The following SLC24A2 variants were observed in gnomAD, a reference collection of about 807,000 sequenced individuals.
The protein encoded by SLC24A2 is solute carrier family 24 member 2, also known as sodium/potassium/calcium exchanger 2.
In SLC24A2, 36 loss-of-function variants were observed where a neutral mutation model predicts 62.0. That is an observed-to-expected ratio of 0.58 (90% CI 0.44 to 0.77). The LOEUF (loss-of-function observed/expected upper bound fraction) is 0.77. SLC24A2 is among the 30% of genes least tolerant of loss of function. SLC24A2 has a pLI of 0.00. For missense variants in SLC24A2, 846 were observed against 817.9 expected (o/e 1.03, Z -0.42); for synonymous variants, 358 against 294.0 (o/e 1.22, Z -2.23).
chr9:20,273,566 T>C, the SLC24A2 span, among the ~76,000 whole-genome samples: 1 of 151,670 alleles, frequency 6.6e-6, no homozygotes, highest in Non-Finnish European at 1.5e-5. Flanking sequence ...AAAACGAGAG[T>C]TTCTCTTCAC....
rs909541662 is a variant in SLC24A2 at position 19,786,315 on chromosome 9, C to T, written c.552G>A (p.Gly184=). Residue 184 remains glycine (G), a synonymous_variant, in exon 2 of 11, where the codon GGG becomes GGA. Coordinates refer to ENST00000341998, the MANE Select transcript of SLC24A2 (RefSeq NM_020344.4). This position sits in a 1 kb window ranked among gnomAD's most constrained non-coding sequence, Gnocchi z 5.0. The part of the protein sequence containing the change: ...VAGATFMAAG[G]SAPELFTSLI... ...GAGATGTGAAAAGTTCTGGGGCTGACCCTCCTGCAGCCATGAAGGTGGCTC... is the reference window on the plus strand; with the variant it reads ...GAGATGTGAAAAGTTCTGGGGCTGATCCTCCTGCAGCCATGAAGGTGGCTC... 1 of 1,614,134 alleles carries T rather than the reference C, an allele frequency of 6.2e-7. No homozygotes were observed. The highest frequency in any genetic ancestry group is 8.5e-7 in the Non-Finnish European group (1 of 1,180,030).
chr9:19,622,249 A>C lies in SLC24A2; in HGVS notation c.969+12T>G, dbSNP rs1292294763. ...CACACAAACAGGTACAGACAAAGCC[A>C]CTGCTTCCTACCGGTAGAGTTGGTT... On this transcript the variant is annotated intron_variant, in intron 3 of 10. Coordinates refer to ENST00000341998, the MANE Select transcript of SLC24A2 (RefSeq NM_020344.4). The C allele has an allele frequency of 6.2e-7, 1 of 1,612,748 alleles. No individual in the cohort carries two copies. The highest frequency in any genetic ancestry group is 8.5e-7 in the Non-Finnish European group (1 of 1,178,918).
At chr9:19,736,217 T>C (rs553142625) in intron 2 of SLC24A2, among the ~76,000 whole-genome samples, 2 of 152,168 alleles carry the variant, frequency 1.3e-5, no homozygotes, top group East Asian at 3.9e-4. Flanking sequence ...CAAAATATAA[T>C]AATAATACTT....
At chr9:19,988,606 G>C in the SLC24A2 span, among the ~76,000 whole-genome samples, 1 of 152,190 alleles carries the variant, frequency 6.6e-6, no homozygotes, top group Non-Finnish European at 1.5e-5. Flanking sequence ...GGAGGATCTG[G>C]CTTGAATAGG....
the SLC24A2 span, among the ~76,000 whole-genome samples, chr9:19,851,012 TATATATATATACATA>T: frequency 1.2e-4 from 9 of 74,366 alleles, no homozygotes; most frequent in African/African-American, 2.9e-4. Context: ...CACATACATA[TATATATATATACATA>T]TTTTTTTTTT....
chr9:20,146,942 C>A, the SLC24A2 span, among the ~76,000 whole-genome samples: 1 of 152,100 alleles, frequency 6.6e-6, no homozygotes, highest in Non-Finnish European at 1.5e-5. Context: ...TCAGTACTGC[C>A]CTCAGCTGAC....
At chr9:19,730,662 TAC>T (rs1821308369) in intron 2 of SLC24A2, among the ~76,000 whole-genome samples, 1 of 152,312 alleles carries the variant, frequency 6.6e-6, no homozygotes, top group African/African-American at 2.4e-5. Context: ...TTGCTTAGAA[TAC>T]ACACATATGT....
intron 2 of SLC24A2, among the ~76,000 whole-genome samples, chr9:19,765,060 G>T (rs566548362): frequency 6.6e-6 from 1 of 151,492 alleles, no homozygotes; most frequent in African/African-American, 2.4e-5. Flanking sequence ...GACCTTCTTT[G>T]TCTTTTCTGA....
chr9:19,779,870 T>C (rs1822958978), intron 2 of SLC24A2, among the ~76,000 whole-genome samples: 1 of 150,836 alleles, frequency 6.6e-6, no homozygotes, highest in South Asian at 2.1e-4. Flanking sequence ...CCACCCTGGC[T>C]AACATGGTGA....
At chr9:20,032,955 TG>T in the SLC24A2 span, among the ~76,000 whole-genome samples, 1 of 152,338 alleles carries the variant, frequency 6.6e-6, no homozygotes, top group Non-Finnish European at 1.5e-5. Context: ...TTTTTACAGC[TG>T]GTATGCTTTG....
the SLC24A2 span, among the ~76,000 whole-genome samples, chr9:19,825,812 A>C: frequency 6.6e-6 from 1 of 152,126 alleles, no homozygotes; most frequent in Non-Finnish European, 1.5e-5. Flanking sequence ...TGTCTAAAAA[A>C]TAATATTTTT....
chr9:19,778,039 G>T (rs1564095588), intron 2 of SLC24A2, among the ~76,000 whole-genome samples: 2 of 152,212 alleles, frequency 1.3e-5, no homozygotes, highest in East Asian at 3.9e-4. Flanking sequence ...TTACTATGAT[G>T]GTCAGGCTGT....
chr9:19,998,482 C>T, the SLC24A2 span, among the ~76,000 whole-genome samples: 1 of 152,204 alleles, frequency 6.6e-6, no homozygotes. Flanking sequence ...TTCCTAGGGA[C>T]ATGCTATTTT....
intron 2 of SLC24A2, among the ~76,000 whole-genome samples, chr9:19,703,914 C>T (rs1052877619): frequency 1.3e-5 from 2 of 152,128 alleles, no homozygotes; most frequent in African/African-American, 4.8e-5. Context: ...AAACTATCTA[C>T]AGGACTTTTT....
the SLC24A2 span, among the ~76,000 whole-genome samples, chr9:20,139,461 C>A: frequency 6.6e-6 from 1 of 152,198 alleles, no homozygotes; most frequent in African/African-American, 2.4e-5. Flanking sequence ...AAAATGGCAG[C>A]TTTACCGGGC....
chr9:20,278,536 A>T, the SLC24A2 span, among the ~76,000 whole-genome samples: 2 of 152,182 alleles, frequency 1.3e-5, no homozygotes, highest in African/African-American at 4.8e-5. Context: ...GCACAACAAG[A>T]GTCACTTTTG....
the SLC24A2 span, among the ~76,000 whole-genome samples, chr9:20,172,970 A>C: frequency 6.6e-6 from 1 of 152,144 alleles, no homozygotes; most frequent in African/African-American, 2.4e-5. Flanking sequence ...CAACGTATCA[A>C]AAGATAATCC....
At chr9:20,016,507 A>G in the SLC24A2 span, among the ~76,000 whole-genome samples, 100 of 152,294 alleles carry the variant, frequency 6.6e-4, 2 homozygotes, top group African/African-American at 2.3e-3. Context: ...ATATCCATTC[A>G]CTACCAAAAA....
chr9:20,262,583 T>C, the SLC24A2 span, among the ~76,000 whole-genome samples: 1 of 152,196 alleles, frequency 6.6e-6, no homozygotes, highest in African/African-American at 2.4e-5. Context: ...AGCCCAGAAA[T>C]AACCTCTAAT....
Sources: allele counts gnomAD v4.1 joint callset (sites outside exome capture counted in the v4.1 genomes callset), GRCh38; gene constraint gnomAD v4.1.1; non-coding constraint Gnocchi (gnomAD v3.1); transcripts MANE v1.5; gene names NCBI Gene and HGNC (gene_info 2026-07-23, HGNC 2026-07-21).